Variants in OPCML observed in about 807,000 individuals in gnomAD.
OPCML encodes opioid binding protein/cell adhesion molecule like.
A neutral mutation model predicts 37.8 loss-of-function variants in OPCML; 13 were observed. The observed-to-expected ratio is 0.34, with a 90% CI of 0.22 to 0.55. The LOEUF is 0.55. Among genes scored for constraint, OPCML ranks in the 20% least tolerant of loss-of-function variants. OPCML has a pLI of 0.91. For missense variants in OPCML, 341 were observed against 435.6 expected, an observed-to-expected ratio of 0.78 and a Z score of 1.93; for synonymous variants, 176 against 168.8, an observed-to-expected ratio of 1.04 and a Z score of -0.33.
intron 1 of OPCML, among the ~76,000 whole-genome samples, chr11:133,099,815 C>A (rs373140438): frequency 6.6e-6 from 1 of 152,066 alleles, no homozygotes; most frequent in South Asian, 2.1e-4. Context: ...TTCTGGATAT[C>A]AGCCCTTTGT....
At position 132,618,861 on chromosome 11, in the gene OPCML, C is replaced by A. The variant is rs373890077; in HGVS notation, c.379+38226G>T. Reference sequence around the variant, plus strand: ...TTCATTCCTCCCCCACTCCTTGTAACCTGCTCTTGACCAAGTCCAATTGCC... The same window carrying A: ...TTCATTCCTCCCCCACTCCTTGTAAACTGCTCTTGACCAAGTCCAATTGCC... On this transcript the variant is annotated intron_variant, in intron 3 of 7. Transcript: ENST00000524381. Among the ~76,000 whole-genome samples the A allele has an allele frequency of 1.2e-4, 18 of 152,026 alleles. No homozygotes were observed. The East Asian group carries it at 3.5e-3, about 29-fold the overall frequency.
In OPCML at chr11:133,336,506, G is replaced by A. The variant is rs992750712; in HGVS notation, c.61+195758C>T. Among the ~76,000 whole-genome samples, 3 of 152,194 alleles carry A rather than the reference G, an allele frequency of 2.0e-5. No individual in the cohort carries two copies. The South Asian group carries it at 6.2e-4, about 31-fold the overall frequency. On this transcript the variant is annotated intron_variant, in intron 1 of 7. Coordinates refer to ENST00000524381, the MANE Select transcript of OPCML (RefSeq NM_001012393.5). ...AATGTCTCTAAGACATAGTAGCATT[G>A]CTTTTAAGATGGAAGTCAATATAGA...
At chr11:133,241,647 G>A (rs1455972748) in intron 1 of OPCML, among the ~76,000 whole-genome samples, 2 of 152,184 alleles carry the variant, frequency 1.3e-5, no homozygotes, top group Non-Finnish European at 2.9e-5. Flanking sequence ...AGTTAAAAGA[G>A]ATCATAGGTA....
At chr11:132,500,866 C>G (rs1313283390) in intron 4 of OPCML, among the ~76,000 whole-genome samples, 4 of 152,150 alleles carry the variant, frequency 2.6e-5, no homozygotes, top group Non-Finnish European at 5.9e-5. Context: ...CATCTATGTC[C>G]CTGCAAAGGA....
intron 1 of OPCML, among the ~76,000 whole-genome samples, chr11:133,209,502 G>A (rs1053953004): frequency 2.2e-4 from 33 of 152,182 alleles, no homozygotes; most frequent in Admixed American, 3.3e-4. Flanking sequence ...TTGAGTTTGC[G>A]AGACAACCTA....
intron 1 of OPCML, among the ~76,000 whole-genome samples, chr11:132,998,982 C>T (rs1946940451): frequency 6.6e-6 from 1 of 152,142 alleles, no homozygotes; most frequent in Admixed American, 6.6e-5. Context: ...ACACAGAAGA[C>T]CTCTGAAGTC....
At chr11:133,093,776 A>AT (rs34668485) in intron 1 of OPCML, among the ~76,000 whole-genome samples, 68,170 of 149,638 alleles carry the variant, frequency 0.46, 17,047 homozygotes, top group Admixed American at 0.57. Context: ...ATCTGTACTT[A>AT]TTTTTTTTTT....
At chr11:132,611,513 T>C (rs1308893064) in intron 3 of OPCML, among the ~76,000 whole-genome samples, 5 of 152,224 alleles carry the variant, frequency 3.3e-5, no homozygotes, top group Non-Finnish European at 7.3e-5. Context: ...TATTGCTTTT[T>C]TCTTTTCTCC....
At chr11:132,790,659 C>A (rs1319098662) in intron 2 of OPCML, among the ~76,000 whole-genome samples, 1 of 152,186 alleles carries the variant, frequency 6.6e-6, no homozygotes, top group African/African-American at 2.4e-5. Flanking sequence ...TTCATTGGAA[C>A]AGACTTGCAG....
intron 7 of OPCML, chr11:132,435,282 T>C (rs2096009246): frequency 2.3e-6 from 3 of 1,284,272 alleles, no homozygotes; most frequent in Non-Finnish European, 3.0e-6. Flanking sequence ...GTTTACTTAA[T>C]GTCAGTGCTG....
At chr11:133,126,228 G>C (rs1949513538) in intron 1 of OPCML, among the ~76,000 whole-genome samples, 1 of 151,996 alleles carries the variant, frequency 6.6e-6, no homozygotes, top group South Asian at 2.1e-4. Flanking sequence ...CAAGAATCAG[G>C]AGCATTAAGG....
intron 1 of OPCML, among the ~76,000 whole-genome samples, chr11:133,098,912 G>A (rs1391671131): frequency 6.6e-6 from 1 of 152,190 alleles, no homozygotes; most frequent in East Asian, 1.9e-4. Context: ...GATCATCTAT[G>A]TAGCAAATAC....
intron 1 of OPCML, among the ~76,000 whole-genome samples, chr11:133,029,694 G>C (rs1365191320): frequency 6.6e-6 from 1 of 151,982 alleles, no homozygotes; most frequent in Non-Finnish European, 1.5e-5. Flanking sequence ...AGAAAAACGG[G>C]AACAATAGAC....
At chr11:133,018,110 GC>G (rs1197774745) in intron 1 of OPCML, among the ~76,000 whole-genome samples, 1 of 152,162 alleles carries the variant, frequency 6.6e-6, no homozygotes, top group East Asian at 1.9e-4. Flanking sequence ...CTGTGTTCCT[GC>G]CATAGTTTTC....
chr11:133,201,774 C>G (rs1345251215), intron 1 of OPCML, among the ~76,000 whole-genome samples: 2 of 152,190 alleles, frequency 1.3e-5, no homozygotes, highest in Admixed American at 6.5e-5. Flanking sequence ...AATGTCAACA[C>G]TGGCTAAAGC....
At chr11:133,009,257 A>G in intron 1 of OPCML, 3 of 984,294 alleles carry the variant, frequency 3.0e-6, no homozygotes, top group African/African-American at 3.5e-5. Flanking sequence ...GGACATAAAT[A>G]CTTGCTTGTT....
rs1165179452 is a variant in OPCML at position 133,015,367 on chromosome 11, GGAATGAAGGAAGGAAGGAAGGAAGGAAT to G, written c.62-72385_62-72358del. ...AGGGAGGGAGGGAGGAAGGAAGGGA[GGAATGAAGGAAGGAAGGAAGGAAGGAAT>G]GAAGGAAGGAAGGAAGGAAGGAAGG... On this transcript the variant is annotated intron_variant, in intron 1 of 7. Transcript: ENST00000524381. 1.6e-3 allele frequency among the ~76,000 whole-genome samples: 145 copies of G among 91,542 alleles called. 3 individuals are homozygous for G. The highest frequency in any genetic ancestry group is 5.8e-3 in the African/African-American group (126 of 21,756). 60.1% of individuals were successfully genotyped at this position (91,542 alleles called of 152,430 possible). A position where few individuals can be genotyped will look rare whatever the true frequency, so the allele number is the denominator to read the frequency against.
chr11:132,478,102 A>G (rs1209919813), intron 4 of OPCML, among the ~76,000 whole-genome samples: 1 of 152,238 alleles, frequency 6.6e-6, no homozygotes, highest in East Asian at 1.9e-4. Flanking sequence ...GTAAAGTAAA[A>G]GATTAACTAT....
chr11:133,271,046 G>C (rs755938051), intron 1 of OPCML, among the ~76,000 whole-genome samples: 1 of 152,172 alleles, frequency 6.6e-6, no homozygotes, highest in African/African-American at 2.4e-5. Flanking sequence ...GGAAGGTTAC[G>C]CTGATCTAAC....
Sources: allele counts gnomAD v4.1 joint callset (sites outside exome capture counted in the v4.1 genomes callset), GRCh38; gene constraint gnomAD v4.1.1; transcripts MANE v1.5; gene names NCBI Gene and HGNC (gene_info 2026-07-23, HGNC 2026-07-21).